Variants in RBFOX1 observed in about 807,000 individuals in gnomAD.
RBFOX1 encodes RNA binding protein fox-1 homolog 1.
In RBFOX1, 8 loss-of-function variants were observed where a neutral mutation model predicts 57.7. The ratio of observed to expected loss-of-function variants is 0.14; its 90% confidence interval spans 0.08 to 0.25. RBFOX1 has a LOEUF of 0.25. RBFOX1 is among the 10% of genes least tolerant of loss of function. The pLI, the probability that RBFOX1 is intolerant of heterozygous loss-of-function variation, is 1.00. For missense variants in RBFOX1, 611 were observed against 548.5 expected (o/e 1.11, Z -1.14); for synonymous variants, 326 against 222.4 (o/e 1.47, Z -4.15).
intron 3 of RBFOX1, among the ~76,000 whole-genome samples, chr16:5,611,705 C>CCCATCCGT (rs772335203): frequency 2.0e-5 from 2 of 100,128 alleles, no homozygotes; most frequent in Admixed American, 9.8e-5. Flanking sequence ...CACCCACTCT[C>CCCATCCGT]CCATCCATCC....
At chr16:5,507,979 T>C (rs1043437484) in intron 2 of RBFOX1, among the ~76,000 whole-genome samples, 22 of 152,136 alleles carry the variant, frequency 1.4e-4, no homozygotes, top group Non-Finnish European at 2.4e-4. Context: ...ATGGCAGCCC[T>C]GGGAAGCTCA....
chr16:5,303,325 C>T (rs978103746), intron 1 of RBFOX1, among the ~76,000 whole-genome samples: 4 of 152,156 alleles, frequency 2.6e-5, no homozygotes, highest in Admixed American at 2.0e-4. Flanking sequence ...GCTGCACAGG[C>T]AGAGGATTAT....
At chr16:5,763,029 T>C (rs1457458001) in intron 3 of RBFOX1, among the ~76,000 whole-genome samples, 1 of 152,222 alleles carries the variant, frequency 6.6e-6, no homozygotes. Context: ...TGTTTGCACA[T>C]ATCTGTTTTT....
chr16:6,899,626 C>G (rs1030553321), intron 3 of RBFOX1, among the ~76,000 whole-genome samples: 2 of 152,182 alleles, frequency 1.3e-5, no homozygotes, highest in Non-Finnish European at 2.9e-5. Context: ...GTTTTCTCAT[C>G]TTTGAAATGG....
chr16:5,725,634 C>T (rs2052120574), intron 3 of RBFOX1, among the ~76,000 whole-genome samples: 1 of 151,356 alleles, frequency 6.6e-6, no homozygotes, highest in African/African-American at 2.4e-5. Flanking sequence ...CAAGAGTGCT[C>T]ATAAGATCCT....
intron 4 of RBFOX1, among the ~76,000 whole-genome samples, chr16:7,248,864 T>A (rs987737860): frequency 3.9e-5 from 6 of 152,194 alleles, no homozygotes; most frequent in Non-Finnish European, 8.8e-5. Context: ...TGTATGTATA[T>A]CCTACCTATA....
At chr16:7,494,830 C>CTTT (rs61434992) in intron 4 of RBFOX1, among the ~76,000 whole-genome samples, 6,530 of 125,380 alleles carry the variant, frequency 0.052, 513 homozygotes, top group African/African-American at 0.068. Flanking sequence ...GTGTTACCTA[C>CTTT]TTTTTTTTTT....
At chr16:7,257,771 G>T (rs2094755344) in intron 4 of RBFOX1, among the ~76,000 whole-genome samples, 1 of 152,214 alleles carries the variant, frequency 6.6e-6, no homozygotes, top group Non-Finnish European at 1.5e-5. Context: ...CTGCAGATTT[G>T]AATGGAAGAT....
At chr16:7,683,492 AAC>A (rs1170597991) in intron 14 of RBFOX1, among the ~76,000 whole-genome samples, 5 of 152,076 alleles carry the variant, frequency 3.3e-5, no homozygotes, top group African/African-American at 1.2e-4. Context: ...CCAATCCTGT[AAC>A]AGTCAACAGA....
intron 3 of RBFOX1, among the ~76,000 whole-genome samples, chr16:6,876,433 T>TC (rs34279226): frequency 0.77 from 116,982 of 151,910 alleles, 45,787 homozygotes; most frequent in East Asian, 0.92. Context: ...AAGTCACTCT[T>TC]AAAAATGAAG....
At chr16:6,781,855 CA>C (rs1204572647) in intron 3 of RBFOX1, among the ~76,000 whole-genome samples, 1 of 151,966 alleles carries the variant, frequency 6.6e-6, no homozygotes, top group Non-Finnish European at 1.5e-5. Flanking sequence ...TTTTATTTTC[CA>C]AAAACAAGTT....
chr16:5,257,647 G>C (rs1223596266), intron 1 of RBFOX1, among the ~76,000 whole-genome samples: 2 of 152,182 alleles, frequency 1.3e-5, no homozygotes, highest in Non-Finnish European at 2.9e-5. Flanking sequence ...AGATCACTGT[G>C]TGTTAAAGGC....
intron 12 of RBFOX1, among the ~76,000 whole-genome samples, chr16:7,655,768 A>G (rs769120695): frequency 2.6e-5 from 4 of 152,198 alleles, no homozygotes; most frequent in Non-Finnish European, 5.9e-5. Context: ...TATATCTACC[A>G]TCAGTATCTC....
intron 2 of RBFOX1, among the ~76,000 whole-genome samples, chr16:6,415,808 C>G (rs533274796): frequency 1.3e-5 from 2 of 152,326 alleles, no homozygotes; most frequent in South Asian, 4.1e-4. Flanking sequence ...AATGCAGACG[C>G]AAATGACTGT....
chr16:5,346,236 G>A (rs957708720), intron 1 of RBFOX1, among the ~76,000 whole-genome samples: 5 of 152,236 alleles, frequency 3.3e-5, no homozygotes, highest in African/African-American at 9.6e-5. Flanking sequence ...CTCCAGTCTC[G>A]GTATGCCCAG....
At chr16:7,029,300 G>A (rs77819643) in intron 3 of RBFOX1, among the ~76,000 whole-genome samples, 2,653 of 114,548 alleles carry the variant, frequency 0.023, 168 homozygotes, top group South Asian at 0.059. Flanking sequence ...ATATATATAC[G>A]TATATGTATA....
intron 3 of RBFOX1, among the ~76,000 whole-genome samples, chr16:5,778,006 C>T (rs2054201325): frequency 6.6e-6 from 1 of 152,134 alleles, no homozygotes; most frequent in African/African-American, 2.4e-5. Flanking sequence ...GATTCAGGAG[C>T]ATTAAGATAC....
At chr16:7,002,118 G>T (rs1243103818) in intron 3 of RBFOX1, among the ~76,000 whole-genome samples, 1 of 152,004 alleles carries the variant, frequency 6.6e-6, no homozygotes, top group South Asian at 2.1e-4. Context: ...TTCTCATGGG[G>T]TTGTTGATCT....
intron 1 of RBFOX1, among the ~76,000 whole-genome samples, chr16:6,023,395 C>G (rs1057405415): frequency 6.6e-6 from 1 of 152,090 alleles, no homozygotes; most frequent in South Asian, 2.1e-4. Flanking sequence ...CCATCCCAAG[C>G]TATTATATTT....
Sources: allele counts gnomAD v4.1 joint callset (sites outside exome capture counted in the v4.1 genomes callset), GRCh38; gene constraint gnomAD v4.1.1; transcripts MANE v1.5; gene names NCBI Gene and HGNC (gene_info 2026-07-23, HGNC 2026-07-21).